The following DLGAP2 variants were observed in gnomAD, a reference collection of about 807,000 sequenced individuals.
The protein encoded by DLGAP2 is DLG associated protein 2, also known as disks large-associated protein 2.
A neutral mutation model predicts 100.3 loss-of-function variants in DLGAP2; 26 were observed. That is an observed-to-expected ratio of 0.26 (90% CI 0.19 to 0.36). DLGAP2 has a LOEUF of 0.36. DLGAP2 is among the 10% of genes least tolerant of loss of function. DLGAP2 has a pLI of 1.00. For synonymous variants in DLGAP2, 886 were observed against 630.1 expected (o/e 1.41, Z -6.08); for missense variants, 1,858 against 1,453.2 (o/e 1.28, Z -4.53).
chr8:1,678,530 T>G lies in DLGAP2; in HGVS notation c.2605T>G (p.Ser869Ala). Residue 869 changes from serine to alanine, a missense_variant, in exon 12 of 15, where the codon TCG (serine) becomes GCG (alanine). Ser to Ala is a moderately conservative substitution (Grantham distance 99, BLOSUM62 1). Coordinates refer to ENST00000637795, the MANE Select transcript of DLGAP2 (RefSeq NM_001346810.2). ...GRMSPCRRDG[S>A]WFLKLLHAET... Reference sequence around the variant, plus strand: ...GATGTCTCCGTGCCGCAGGGATGGCTCGTGGTTTTTGAAGCTGCTGCACGC... The same window carrying G: ...GATGTCTCCGTGCCGCAGGGATGGCGCGTGGTTTTTGAAGCTGCTGCACGC... 1 of 1,602,404 alleles carries G rather than the reference T, an allele frequency of 6.2e-7. No individual in the cohort carries two copies. Among genetic ancestry groups the G allele is most frequent in the South Asian group, 1.1e-5 (1 of 89,068 alleles).
At chr8:1,000,638 A>G (rs907322243) in intron 2 of DLGAP2, among the ~76,000 whole-genome samples, 11 of 152,140 alleles carry the variant, frequency 7.2e-5, no homozygotes, top group Non-Finnish European at 1.6e-4. Context: ...TTGCTCTGTT[A>G]TTACTTTTCC....
In DLGAP2 at chr8:1,548,900, G is replaced by T. The variant is rs144322124; in HGVS notation, c.447G>T (p.Pro149=). The T allele has an allele frequency of 1.3e-6, 2 of 1,597,494 alleles. No individual in the cohort carries two copies. Among genetic ancestry groups the T allele is most frequent in the African/African-American group, 2.7e-5 (2 of 74,884 alleles). ...SSVHSECVMM[P]VVLGDHVSSS... is the part of the protein sequence containing the mutation. ...TGCACTCGGAGTGCGTGATGATGCC[G>T]GTGGTGCTGGGCGACCACGTGTCCA... is the stretch of plus-strand genomic sequence containing the variant. The change falls in exon 5 of 15, where the codon CCG becomes CCT. Residue 149 remains proline (P), a synonymous_variant. Transcript: ENST00000637795.
At chr8:1,046,152 A>G (rs988930681) in intron 2 of DLGAP2, among the ~76,000 whole-genome samples, 3 of 152,242 alleles carry the variant, frequency 2.0e-5, no homozygotes, top group Non-Finnish European at 4.4e-5. Flanking sequence ...AGTTATTAGC[A>G]GAAACCATAT....
At chr8:1,608,881 G>A (rs1053653186) in intron 6 of DLGAP2, among the ~76,000 whole-genome samples, 50 of 151,710 alleles carry the variant, frequency 3.3e-4, no homozygotes, top group Non-Finnish European at 7.1e-4. Context: ...CAAGAAATAT[G>A]GGACTATGTG....
At chr8:1,413,414 T>G (rs921995740) in intron 3 of DLGAP2, among the ~76,000 whole-genome samples, 1 of 152,142 alleles carries the variant, frequency 6.6e-6, no homozygotes, top group African/African-American at 2.4e-5. Context: ...TCAAGAAGCA[T>G]AAAAAAGACT....
chr8:1,359,742 C>T (rs903588874), intron 3 of DLGAP2, among the ~76,000 whole-genome samples: 5 of 152,236 alleles, frequency 3.3e-5, no homozygotes, highest in Non-Finnish European at 7.3e-5. Flanking sequence ...CAGCGTGGGA[C>T]TGTGGATATT....
chr8:1,111,073 C>T (rs1470041274), intron 2 of DLGAP2, among the ~76,000 whole-genome samples: 2 of 152,202 alleles, frequency 1.3e-5, no homozygotes, highest in African/African-American at 2.4e-5. Context: ...CCACAGTGCC[C>T]GACTCCGGGG....
intron 1 of DLGAP2, among the ~76,000 whole-genome samples, chr8:755,234 G>T (rs1820892215): frequency 6.6e-6 from 1 of 152,170 alleles, no homozygotes; most frequent in South Asian, 2.1e-4. Context: ...CAAGGTGGGT[G>T]AATTGCTTGA....
At chr8:1,200,814 A>T (rs1797854293) in intron 2 of DLGAP2, among the ~76,000 whole-genome samples, 1 of 152,150 alleles carries the variant, frequency 6.6e-6, no homozygotes, top group African/African-American at 2.4e-5. Context: ...GAGAATGGAG[A>T]GTGGCAGCTT....
At chr8:1,425,787 G>T (rs1039791498) in intron 3 of DLGAP2, among the ~76,000 whole-genome samples, 1 of 152,198 alleles carries the variant, frequency 6.6e-6, no homozygotes, top group African/African-American at 2.4e-5. Flanking sequence ...GCCGCTGCAG[G>T]ATGAGCCCAG....
intron 2 of DLGAP2, among the ~76,000 whole-genome samples, chr8:998,493 G>A (rs1202462444): frequency 1.3e-5 from 2 of 150,220 alleles, no homozygotes; most frequent in South Asian, 2.1e-4. Context: ...TCTAGAGATA[G>A]GATCTCACTG....
At chr8:979,745 C>T (rs1412189044) in intron 2 of DLGAP2, among the ~76,000 whole-genome samples, 2 of 152,256 alleles carry the variant, frequency 1.3e-5, no homozygotes, top group East Asian at 3.8e-4. Context: ...CCAGTCCTTT[C>T]TCTTGCATGC....
intron 2 of DLGAP2, among the ~76,000 whole-genome samples, chr8:998,771 C>G (rs73176521): frequency 0.044 from 6,651 of 152,184 alleles, 190 homozygotes; most frequent in Middle Eastern, 0.088. Flanking sequence ...TGGCTCATAC[C>G]CTTTCTTTCC....
At position 1,454,388 on chromosome 8, in the gene DLGAP2, C is replaced by G. The variant is rs933322846; in HGVS notation, c.107-46978C>G. Among the ~76,000 whole-genome samples the G allele has an allele frequency of 4.0e-5, 6 of 151,702 alleles. No individual in the cohort carries two copies. In the South Asian group the frequency reaches 8.3e-4, roughly 21 times the overall value. Reference sequence around the variant, plus strand: ...TTTTTATCTTTTCTCTACACTGAAACTACCGTCCCTGCGTGAGTTTGAGGG... The same window carrying G: ...TTTTTATCTTTTCTCTACACTGAAAGTACCGTCCCTGCGTGAGTTTGAGGG... On this transcript the variant is annotated intron_variant, in intron 3 of 14. Coordinates refer to ENST00000637795, the MANE Select transcript of DLGAP2 (RefSeq NM_001346810.2).
At chr8:947,891 G>A (rs1425744793) in intron 2 of DLGAP2, among the ~76,000 whole-genome samples, 1 of 147,356 alleles carries the variant, frequency 6.8e-6, no homozygotes. Flanking sequence ...CAGCCCGTGT[G>A]GGCCATGGCC....
intron 1 of DLGAP2, among the ~76,000 whole-genome samples, chr8:793,488 G>C (rs898730558): frequency 6.6e-6 from 1 of 152,104 alleles, no homozygotes; most frequent in African/African-American, 2.4e-5. Flanking sequence ...TGGCTTCCCC[G>C]CACCACGCTG....
chr8:830,729 A>G (rs1321581352), intron 1 of DLGAP2, among the ~76,000 whole-genome samples: 1 of 152,154 alleles, frequency 6.6e-6, no homozygotes, highest in East Asian at 1.9e-4. Context: ...AATCAAAACA[A>G]GGTATTAACC....
intron 3 of DLGAP2, among the ~76,000 whole-genome samples, chr8:1,485,571 C>T (rs540911281): frequency 3.3e-5 from 5 of 152,324 alleles, no homozygotes; most frequent in South Asian, 2.1e-4. Context: ...GTGAAGATGG[C>T]GACGCTGGTT....
intron 2 of DLGAP2, among the ~76,000 whole-genome samples, chr8:1,204,401 A>T (rs1797946704): frequency 1.3e-5 from 2 of 152,244 alleles, no homozygotes. Flanking sequence ...AGTGATACTC[A>T]CAGGTGTGAG....
Sources: allele counts gnomAD v4.1 joint callset (sites outside exome capture counted in the v4.1 genomes callset), GRCh38; gene constraint gnomAD v4.1.1; transcripts MANE v1.5; gene names NCBI Gene and HGNC (gene_info 2026-07-23, HGNC 2026-07-21).